PRIMA1: variants seen among roughly 807,000 people sequenced by gnomAD.
PRIMA1 encodes proline-rich membrane anchor 1.
Under a neutral mutation model 17.5 loss-of-function variants are expected in PRIMA1, and 7 were observed. The observed-to-expected ratio is 0.40, with a 90% confidence interval of 0.23 to 0.75. The LOEUF is 0.75. Among genes scored for constraint, PRIMA1 ranks in the 30% least tolerant of loss-of-function variants. The probability of loss-of-function intolerance (pLI) is 0.37; values close to 1 mark genes in which losing one functional copy is unlikely to be tolerated. For synonymous variants in PRIMA1, 97 were observed against 77.9 expected (o/e 1.25, Z -1.29); for missense variants, 200 against 201.8 (o/e 0.99, Z 0.05).
chr14:93,730,771 C>T (rs2076108871), intron 4 of PRIMA1, among the ~76,000 whole-genome samples: 1 of 152,136 alleles, frequency 6.6e-6, no homozygotes, highest in African/African-American at 2.4e-5. Flanking sequence ...AAACTAATTT[C>T]ACTGATTAAC....
At chr14:93,782,127 G>A (rs1016945319) in intron 2 of PRIMA1, among the ~76,000 whole-genome samples, 19 of 152,144 alleles carry the variant, frequency 1.2e-4, no homozygotes, top group African/African-American at 4.3e-4. Flanking sequence ...AATTAGCCGG[G>A]CGTGGCGGTG....
chr14:93,740,599 C>T (rs905099897), intron 3 of PRIMA1, among the ~76,000 whole-genome samples: 1 of 152,248 alleles, frequency 6.6e-6, no homozygotes, highest in Admixed American at 6.5e-5. Context: ...ATGCCTGCCA[C>T]CAATGGTCCA....
At chr14:93,771,114 G>C (rs1885048930) in intron 3 of PRIMA1, among the ~76,000 whole-genome samples, 1 of 151,724 alleles carries the variant, frequency 6.6e-6, no homozygotes, top group Non-Finnish European at 1.5e-5. Flanking sequence ...GTACGCGTGT[G>C]CATGTATGTG....
chr14:93,744,666 G>GC (rs1056937050), intron 3 of PRIMA1, among the ~76,000 whole-genome samples: 9 of 152,262 alleles, frequency 5.9e-5, no homozygotes, highest in South Asian at 4.2e-4. Context: ...GCAATTCAGG[G>GC]CCCCCCCACG....
chr14:93,781,053 A>G (rs1185242254), intron 2 of PRIMA1, among the ~76,000 whole-genome samples: 1 of 152,174 alleles, frequency 6.6e-6, no homozygotes, highest in Non-Finnish European at 1.5e-5. Context: ...TGGAGAAGTA[A>G]TGTGGGTAAT....
chr14:93,752,903 C>G (rs988867060), intron 3 of PRIMA1, among the ~76,000 whole-genome samples: 1 of 152,214 alleles, frequency 6.6e-6, no homozygotes, highest in African/African-American at 2.4e-5. Flanking sequence ...ACATCGACAT[C>G]GTGGACAATT....
chr14:93,748,145 T>C (rs996730215), intron 3 of PRIMA1, among the ~76,000 whole-genome samples: 1 of 151,980 alleles, frequency 6.6e-6, no homozygotes, highest in Non-Finnish European at 1.5e-5. Flanking sequence ...TGAGAGACTG[T>C]GTGAGTGCTG....
chr14:93,768,439 T>G (rs1179508519), intron 3 of PRIMA1, among the ~76,000 whole-genome samples: 1 of 152,230 alleles, frequency 6.6e-6, no homozygotes, highest in East Asian at 1.9e-4. Flanking sequence ...TCAACCTTGA[T>G]TCATGCGAGC....
chr14:93,745,083 T>A (rs2076208617), intron 3 of PRIMA1, among the ~76,000 whole-genome samples: 1 of 152,088 alleles, frequency 6.6e-6, no homozygotes, highest in Non-Finnish European at 1.5e-5. Context: ...GGGCAGTCTG[T>A]CTCTTGCCCA....
intron 4 of PRIMA1, among the ~76,000 whole-genome samples, chr14:93,727,706 G>A (rs530139825): frequency 3.3e-5 from 5 of 152,280 alleles, no homozygotes; most frequent in African/African-American, 1.2e-4. Context: ...AGAACAGGTG[G>A]GCACAGGCAG....
chr14:93,728,451 CCTGAGCGAGGGCGGAGAGGA>C (rs1188251986), intron 4 of PRIMA1, among the ~76,000 whole-genome samples: 2 of 152,072 alleles, frequency 1.3e-5, no homozygotes, highest in Non-Finnish European at 2.9e-5. Flanking sequence ...GCTGGAGAGT[CCTGAGCGAGGGCGGAGAGGA>C]GGAGAAAAAC....
In PRIMA1 at chr14:93,720,762, A is replaced by G. The variant is rs1235870115; in HGVS notation, c.*682T>C. On this transcript the variant is annotated 3_prime_UTR_variant, in exon 5 of 5. Coordinates refer to ENST00000393140, the MANE Select transcript of PRIMA1 (RefSeq NM_178013.4). ...AAGGCCAGACACTGCCCCCGAGTGT[A>G]AACGCACTCCTGTGTCTGCTCAGGA... 5 of 152,452 alleles carry G rather than the reference A, an allele frequency of 3.3e-5. No homozygotes were observed. Among genetic ancestry groups the G allele is most frequent in the Non-Finnish European group, 7.3e-5 (5 of 68,134 alleles). The allele number at this position is 152,452 out of a possible 1,614,324, so 9.4% of individuals were successfully genotyped here.
chr14:93,734,607 A>C (rs546374426), intron 4 of PRIMA1, among the ~76,000 whole-genome samples: 117 of 131,146 alleles, frequency 8.9e-4, no homozygotes, highest in Non-Finnish European at 1.5e-3. Context: ...GCGCTGGAAT[A>C]ATCCTCGCCA....
rs1179939630 is a variant in PRIMA1 at position 93,726,676 on chromosome 14, T to C, written c.360-5130A>G. Among the ~76,000 whole-genome samples, 2 of 151,696 alleles carry C rather than the reference T, an allele frequency of 1.3e-5. No homozygotes were observed. Among genetic ancestry groups the C allele is most frequent in the African/African-American group, 4.9e-5 (2 of 41,212 alleles). ...CACACATACAATATACACATACACA[T>C]AGACACATGTACATATGCACAAACC... On this transcript the variant is annotated intron_variant, in intron 4 of 4. Transcript: ENST00000393140. This position sits in a 1 kb window ranked among gnomAD's most constrained non-coding sequence, Gnocchi z 4.2.
At chr14:93,776,193 A>G (rs1033914860) in intron 3 of PRIMA1, among the ~76,000 whole-genome samples, 1 of 152,208 alleles carries the variant, frequency 6.6e-6, no homozygotes, top group African/African-American at 2.4e-5. Context: ...ATTTGAGACC[A>G]TGGATTCAGC....
intron 3 of PRIMA1, among the ~76,000 whole-genome samples, chr14:93,744,457 A>C (rs1044614187): frequency 6.6e-6 from 1 of 152,154 alleles, no homozygotes; most frequent in African/African-American, 2.4e-5. Flanking sequence ...AGGTCTGGAG[A>C]GCCAGCCTGG....
Position 93,748,074 on chromosome 14 carries a change from ATG to A in PRIMA1, c.230-10706_230-10705del, listed in dbSNP as rs566849846. 8.6e-5 allele frequency among the ~76,000 whole-genome samples: 13 copies of A among 150,540 alleles called. No homozygotes were observed. The South Asian group carries it at 1.3e-3, about 15-fold the overall frequency. Reference sequence around the variant, plus strand: ...TGTGTGTATGTGAGTGTGAATGTGTATGTGTGTGAGTGCGTATGAGTGTGTGA... The same window carrying A: ...TGTGTGTATGTGAGTGTGAATGTGTATGTGTGAGTGCGTATGAGTGTGTGA... On this transcript the variant is annotated intron_variant, in intron 3 of 4. Coordinates refer to ENST00000393140, the MANE Select transcript of PRIMA1 (RefSeq NM_178013.4).
At chr14:93,734,317 G>C (rs2076134675) in intron 4 of PRIMA1, among the ~76,000 whole-genome samples, 1 of 152,228 alleles carries the variant, frequency 6.6e-6, no homozygotes, top group Non-Finnish European at 1.5e-5. Context: ...TGATTCCCCT[G>C]CTTCTTGGGT....
chr14:93,732,549 G>A (rs551199992), intron 4 of PRIMA1, among the ~76,000 whole-genome samples: 28 of 152,322 alleles, frequency 1.8e-4, no homozygotes, highest in African/African-American at 5.3e-4. Flanking sequence ...TTCTTCCCCC[G>A]AAAAGGTATG....
Sources: allele counts gnomAD v4.1 joint callset (sites outside exome capture counted in the v4.1 genomes callset), GRCh38; gene constraint gnomAD v4.1.1; non-coding constraint Gnocchi (gnomAD v3.1); transcripts MANE v1.5; gene names NCBI Gene and HGNC (gene_info 2026-07-23, HGNC 2026-07-21).